Variants in ASMTL observed in about 807,000 individuals in gnomAD.
ASMTL encodes the protein probable bifunctional dTTP/UTP pyrophosphatase/methyltransferase protein.
ASMTL carries 57 observed loss-of-function variants against 60.3 expected under a neutral mutation model. The observed-to-expected ratio is 0.95, with a 90% CI of 0.76 to 1.18. The LOEUF is 1.18. Among genes scored for constraint, ASMTL ranks in the 50% most tolerant of loss-of-function variants. ASMTL has a pLI of 0.00. For missense variants in ASMTL, 981 were observed against 852.6 expected, an observed-to-expected ratio of 1.15 and a Z score of -1.88; for synonymous variants, 419 against 373.0, an observed-to-expected ratio of 1.12 and a Z score of -1.42.
chrX:1,441,241 C>T (rs188351140), intron 2 of ASMTL, among the ~76,000 whole-genome samples: 259 of 151,056 alleles, frequency 1.7e-3, no homozygotes, highest in African/African-American at 5.8e-3. Context: ...ATATCATCAA[C>T]GAGACTATTA....
intron 12 of ASMTL, 64 bp from the exon 13 acceptor site, chrX:1,403,553 A>G (rs1569530184): frequency 1.1e-5 from 16 of 1,465,272 alleles, no homozygotes; most frequent in South Asian, 3.4e-5. Flanking sequence ...AGCAGGACAC[A>G]GGGGACACAG....
chrX:1,420,429 G>A (rs1233398582), intron 9 of ASMTL, among the ~76,000 whole-genome samples: 2 of 152,078 alleles, frequency 1.3e-5, no homozygotes, highest in Non-Finnish European at 2.9e-5. Flanking sequence ...TCTGCAGGAA[G>A]CCCCCGGCTC....
chrX:1,434,101 G>C (rs1227730984), intron 5 of ASMTL, among the ~76,000 whole-genome samples: 1 of 152,130 alleles, frequency 6.6e-6, no homozygotes, highest in African/African-American at 2.4e-5. Context: ...TGAATTCTAC[G>C]ATGCCTCCTG....
At chrX:1,406,669 G>A (rs1403086016) in intron 12 of ASMTL, among the ~76,000 whole-genome samples, 1 of 151,344 alleles carries the variant, frequency 6.6e-6, no homozygotes, top group African/African-American at 2.4e-5. Context: ...AGTAGATGAT[G>A]GTTAAGTAGG....
chrX:1,449,105 C>T (rs1397930892), intron 1 of ASMTL, among the ~76,000 whole-genome samples: 2 of 152,118 alleles, frequency 1.3e-5, no homozygotes, highest in South Asian at 4.1e-4. Flanking sequence ...CATTCCGAGC[C>T]TGCGATAAGA....
At position 1,412,753 on chromosome X, in the gene ASMTL, C is replaced by G. The variant is rs767153190; in HGVS notation, c.1624G>C (p.Val542Leu). The change falls in exon 12 of 13, where the codon GTC becomes CTC. Residue 542 changes from valine (V) to leucine (L), a missense_variant. Coordinates refer to ENST00000381317, the MANE Select transcript of ASMTL (RefSeq NM_004192.4). The stretch of plus-strand genomic sequence containing the variant: ...TCACCTGGCTTGCAGCTCTCGGCGA[C>G]CCTGCTGAGTAACTTGTGGACTTTG... ...DDKVHKLLSR[V>L]AESCKPGAGL... 1 of 1,613,872 alleles carries G rather than the reference C, an allele frequency of 6.2e-7. No homozygotes were observed. Among genetic ancestry groups the G allele is most frequent in the Non-Finnish European group, 8.5e-7 (1 of 1,179,876 alleles).
chrX:1,435,260 A>G (rs1603451474), intron 4 of ASMTL, 177 bp from the exon 5 acceptor site: 3 of 400,972 alleles, frequency 7.5e-6, no homozygotes, highest in African/African-American at 6.4e-5. Flanking sequence ...GGAGAGGCCG[A>G]GGGAAGGGGT....
At chrX:1,434,479 G>C (rs1350604265) in intron 5 of ASMTL, among the ~76,000 whole-genome samples, 1 of 137,222 alleles carries the variant, frequency 7.3e-6, no homozygotes, top group Non-Finnish European at 1.6e-5. Flanking sequence ...GACAGAGGGA[G>C]ACCCTGTCTC....
At chrX:1,452,717 GT>G in intron 1 of ASMTL, 30 bp downstream of exon 1, 1 of 1,554,988 alleles carries the variant, frequency 6.4e-7, no homozygotes, top group Non-Finnish European at 8.7e-7. Flanking sequence ...TCCGTCCCCG[GT>G]CCCCTGCCCC....
intron 11 of ASMTL, among the ~76,000 whole-genome samples, chrX:1,417,502 C>T (rs1481122898): frequency 4.2e-5 from 5 of 119,060 alleles, no homozygotes; most frequent in African/African-American, 1.4e-4. Context: ...ACACCATGCA[C>T]ACAGATACAG....
intron 4 of ASMTL, 69 bp downstream of exon 4, chrX:1,435,625 C>A (rs1363073816): frequency 1.3e-4 from 200 of 1,507,542 alleles, no homozygotes; most frequent in Non-Finnish European, 1.8e-4. Context: ...CCCAGGACAC[C>A]CGGCCAGATA....
At chrX:1,417,660 C>T (rs1430049723) in intron 11 of ASMTL, among the ~76,000 whole-genome samples, 13 of 151,680 alleles carry the variant, frequency 8.6e-5, no homozygotes, top group Non-Finnish European at 1.6e-4. Flanking sequence ...GACACACACA[C>T]ATACTCTCAC....
At chrX:1,431,139 T>C (rs1402479991) in intron 6 of ASMTL, among the ~76,000 whole-genome samples, 1 of 123,490 alleles carries the variant, frequency 8.1e-6, no homozygotes, top group Non-Finnish European at 1.5e-5. Flanking sequence ...TTTATAATTA[T>C]ATATATAATT....
At chrX:1,418,170 G>T in intron 10 of ASMTL, 54 bp from the exon 11 acceptor site, 1 of 1,534,494 alleles carries the variant, frequency 6.5e-7, no homozygotes, top group South Asian at 1.2e-5. Context: ...GAACTCTGAC[G>T]ACTCTCCAAA....
chrX:1,435,212 C>T lies in ASMTL; in HGVS notation c.339-129G>A, dbSNP rs1225622477. ...GGATCCGTCCCCAGCATCTTCTCCC[C>T]GATCGTCCCGCTGTGGGGTCTCCAG... On this transcript the variant is annotated intron_variant, in intron 4 of 12. Transcript: ENST00000381317. The T allele has an allele frequency of 1.4e-4, 137 of 975,296 alleles. No homozygotes were observed. The Middle Eastern group carries it at 3.1e-3, about 22-fold the overall frequency. The allele number at this position is 975,296 out of a possible 1,614,324, so 60.4% of individuals were successfully genotyped here.
intron 12 of ASMTL, among the ~76,000 whole-genome samples, chrX:1,411,973 G>T (rs1396355591): frequency 6.6e-6 from 1 of 151,692 alleles, no homozygotes; most frequent in Non-Finnish European, 1.5e-5. Flanking sequence ...TATCAAGCCC[G>T]GCTTATTTTT....
chrX:1,421,247 C>T (rs1339060277), intron 9 of ASMTL, among the ~76,000 whole-genome samples: 2 of 152,048 alleles, frequency 1.3e-5, no homozygotes, highest in African/African-American at 2.4e-5. Flanking sequence ...ATTACAGGCT[C>T]ATGCCACCAT....
At chrX:1,435,251 G>A in intron 4 of ASMTL, 168 bp from the exon 5 acceptor site, 1 of 728,222 alleles carries the variant, frequency 1.4e-6, no homozygotes, top group South Asian at 1.7e-5. Flanking sequence ...AACCTTTACG[G>A]AGAGGCCGAG....
At position 1,438,954 on chromosome X, in the gene ASMTL, T is replaced by A. The variant is rs28706828; in HGVS notation, c.273+143A>T. The A allele has an allele frequency of 8.7e-6, 8 of 918,984 alleles. No homozygotes were observed. In the African/African-American group the frequency reaches 1.3e-4, roughly 15 times the overall value. 56.9% of individuals were successfully genotyped at this position (918,984 alleles called of 1,614,324 possible). A position where few individuals can be genotyped will look rare whatever the true frequency, so the allele number is the denominator to read the frequency against. On this transcript the variant is annotated intron_variant, in intron 3 of 12. Transcript: ENST00000381317. ...TTCCCGTGCCCTTAGGCCCCTCATC[T>A]GCTGGTAGTTTGTGATGGGAGTTTC...
Sources: allele counts gnomAD v4.1 joint callset (sites outside exome capture counted in the v4.1 genomes callset), GRCh38; gene constraint gnomAD v4.1.1; transcripts MANE v1.5; gene names NCBI Gene and HGNC (gene_info 2026-07-23, HGNC 2026-07-21).